Variants in TMEM132C observed in about 807,000 individuals in gnomAD.
The protein encoded by TMEM132C is protein phosphatase 1, regulatory subunit 152.
In TMEM132C, 29 loss-of-function variants were observed where a neutral mutation model predicts 61.4. The ratio of observed to expected loss-of-function variants is 0.47; its 90% CI spans 0.35 to 0.64. The LOEUF (loss-of-function observed/expected upper bound fraction) is 0.64. Ranked by LOEUF, TMEM132C falls within the 30% of genes least tolerant of loss-of-function variation. TMEM132C has a pLI of 0.00. For missense variants in TMEM132C, 1,408 were observed against 1,476.9 expected, an observed-to-expected ratio of 0.95 and a Z score of 0.76; for synonymous variants, 656 against 633.1, an observed-to-expected ratio of 1.04 and a Z score of -0.54.
chr12:128,435,369 C>T (rs7971837), intron 2 of TMEM132C, among the ~76,000 whole-genome samples: 116,039 of 152,088 alleles, frequency 0.76, 44,859 homozygotes, highest in Non-Finnish European at 0.82. Flanking sequence ...TGTCCCTGTT[C>T]ACAGATGACA....
chr12:128,334,356 G>A (rs1295383561), intron 1 of TMEM132C, among the ~76,000 whole-genome samples: 1 of 152,154 alleles, frequency 6.6e-6, no homozygotes, highest in Non-Finnish European at 1.5e-5. Context: ...CTTGGCAGAG[G>A]AGCCAGCTCC....
At chr12:128,395,935 C>CAG (rs1357663413) in intron 1 of TMEM132C, among the ~76,000 whole-genome samples, 4 of 152,184 alleles carry the variant, frequency 2.6e-5, no homozygotes, top group Admixed American at 2.0e-4. Context: ...TTACCTAATA[C>CAG]AGACATTTTG....
At position 128,630,389 on chromosome 12, in the gene TMEM132C, C is replaced by G. The variant is rs1319091188; in HGVS notation, c.1305+14054C>G. Among the ~76,000 whole-genome samples the G allele has an allele frequency of 6.6e-6, 1 of 152,168 alleles. No homozygotes were observed. The highest frequency in any genetic ancestry group is 1.9e-4 in the East Asian group (1 of 5,188). On this transcript the variant is annotated intron_variant, in intron 4 of 8. Coordinates refer to ENST00000435159, the MANE Select transcript of TMEM132C (RefSeq NM_001136103.3). This position sits in a 1 kb window ranked among gnomAD's most constrained non-coding sequence, Gnocchi z 4.3. ...GTTTATAGTTCACTGCTCGGTGACT[C>G]CATGCACATCCAAGATTCAGCACGG...
At chr12:128,521,063 G>A (rs965088339) in intron 2 of TMEM132C, among the ~76,000 whole-genome samples, 3 of 151,938 alleles carry the variant, frequency 2.0e-5, no homozygotes, top group Non-Finnish European at 2.9e-5. Context: ...CACCCTTCGC[G>A]TTTCTCTCCT....
chr12:128,351,564 G>A (rs1234012519), intron 1 of TMEM132C, among the ~76,000 whole-genome samples: 1 of 152,208 alleles, frequency 6.6e-6, no homozygotes, highest in African/African-American at 2.4e-5. Flanking sequence ...GGCTGTACAG[G>A]AAATATGGTG....
At chr12:128,335,310 T>A (rs934322130) in intron 1 of TMEM132C, among the ~76,000 whole-genome samples, 3 of 151,822 alleles carry the variant, frequency 2.0e-5, no homozygotes, top group Non-Finnish European at 4.4e-5. Flanking sequence ...GAAAGCATCC[T>A]CATCTTATCA....
At chr12:128,541,517 C>T (rs1392855314) in intron 2 of TMEM132C, among the ~76,000 whole-genome samples, 1 of 152,198 alleles carries the variant, frequency 6.6e-6, no homozygotes, top group East Asian at 1.9e-4. Flanking sequence ...CCACCAGTCA[C>T]CTCCTTAGTG....
intron 1 of TMEM132C, among the ~76,000 whole-genome samples, chr12:128,272,754 A>G (rs1433211223): frequency 6.6e-6 from 1 of 152,206 alleles, no homozygotes; most frequent in Non-Finnish European, 1.5e-5. Context: ...TTTTGCCCTC[A>G]TGACTAATAA....
intron 4 of TMEM132C, among the ~76,000 whole-genome samples, chr12:128,658,939 G>A (rs1954357553): frequency 6.6e-6 from 1 of 152,208 alleles, no homozygotes; most frequent in African/African-American, 2.4e-5. Flanking sequence ...CCACTGAAGA[G>A]GAGAAAGCAA....
intron 5 of TMEM132C, among the ~76,000 whole-genome samples, chr12:128,685,265 C>T (rs896012249): frequency 1.3e-5 from 2 of 152,218 alleles, no homozygotes; most frequent in African/African-American, 4.8e-5. Context: ...ATCCACATCC[C>T]ATCTCTTAGC....
At chr12:128,654,967 C>T (rs562002238) in intron 4 of TMEM132C, among the ~76,000 whole-genome samples, 135 of 152,270 alleles carry the variant, frequency 8.9e-4, no homozygotes, top group Non-Finnish European at 1.4e-3. Flanking sequence ...CCTGCCACCT[C>T]GGGGTCTCCC....
chr12:128,448,479 G>A (rs1006313356), intron 2 of TMEM132C, among the ~76,000 whole-genome samples: 2 of 152,152 alleles, frequency 1.3e-5, no homozygotes, highest in Non-Finnish European at 2.9e-5. Flanking sequence ...GGCCATCTGT[G>A]TGTCCTACTC....
rs1352637242 is a variant in TMEM132C at position 128,665,239 on chromosome 12, G to A, written c.1306-4178G>A. On this transcript the variant is annotated intron_variant, in intron 4 of 8. Transcript: ENST00000435159. ...CACTCATACCTATACACACAGGCTCGCACACACATAGGCACTCGCACATAC... is the reference window on the plus strand; with the variant it reads ...CACTCATACCTATACACACAGGCTCACACACACATAGGCACTCGCACATAC... 7.3e-5 allele frequency among the ~76,000 whole-genome samples: 9 copies of A among 123,494 alleles called. 1 individual carries two copies. The highest frequency in any genetic ancestry group is 1.9e-4 in the African/African-American group (6 of 31,050). 81.0% of individuals were successfully genotyped at this position (123,494 alleles called of 152,430 possible).
intron 1 of TMEM132C, among the ~76,000 whole-genome samples, chr12:128,286,332 A>G (rs1199101831): frequency 6.6e-6 from 1 of 152,158 alleles, no homozygotes; most frequent in Non-Finnish European, 1.5e-5. Context: ...TTACAAACTC[A>G]AATGCCTCCA....
chr12:128,600,693 C>A (rs1000669826), intron 3 of TMEM132C, among the ~76,000 whole-genome samples: 2 of 152,274 alleles, frequency 1.3e-5, no homozygotes, highest in Admixed American at 6.5e-5. Flanking sequence ...ATGGATGGGG[C>A]CCTGATCACA....
At chr12:128,668,139 G>A (rs891451745) in intron 4 of TMEM132C, among the ~76,000 whole-genome samples, 21 of 152,120 alleles carry the variant, frequency 1.4e-4, no homozygotes, top group African/African-American at 4.8e-4. Flanking sequence ...AATGATCTGG[G>A]CATGGTGACA....
In TMEM132C at chr12:128,414,912, C is replaced by T. The variant is rs1339878727; in HGVS notation, c.266C>T (p.Thr89Ile). The change falls in exon 2 of 9, where the codon ACC (threonine) becomes ATC (isoleucine). Residue 89 changes from threonine to isoleucine, a missense_variant. Physicochemically the swap from Thr to Ile is moderately conservative, Grantham distance 89 (BLOSUM62 -1). Transcript: ENST00000435159. ...GTGGAGTCCTTCTTTACCTACAAAA[C>T]CAGGCAGCCCCCAGTGCTCAATGCC... The part of the protein sequence containing the change: ...ARVESFFTYK[T>I]RQPPVLNASY... 2.6e-6 allele frequency: 4 copies of T among 1,551,660 alleles called. No individual in the cohort carries two copies. The South Asian group carries it at 4.8e-5, about 18-fold the overall frequency.
At chr12:128,679,899 C>G (rs1442710584) in intron 5 of TMEM132C, among the ~76,000 whole-genome samples, 3 of 152,076 alleles carry the variant, frequency 2.0e-5, no homozygotes, top group African/African-American at 7.2e-5. Flanking sequence ...GGTCAACCAT[C>G]ATGGAAGCTT....
intron 1 of TMEM132C, among the ~76,000 whole-genome samples, chr12:128,378,027 G>T (rs903319475): frequency 6.6e-6 from 1 of 152,168 alleles, no homozygotes; most frequent in Admixed American, 6.5e-5. Context: ...ACGGAGCCAG[G>T]AACCCAAGCT....
Sources: gnomAD v4.1 joint callset for allele counts (sites outside exome capture counted in the v4.1 genomes callset) on GRCh38, gnomAD v4.1.1 for gene constraint, Gnocchi (gnomAD v3.1) non-coding constraint, MANE v1.5 for transcripts, NCBI Gene and HGNC (gene_info 2026-07-23, HGNC 2026-07-21) for gene names.